The following RMND5B variants were observed in gnomAD, a reference collection of about 807,000 sequenced individuals.
The protein encoded by RMND5B is E3 ubiquitin-protein transferase RMND5B.
A neutral mutation model predicts 50.4 loss-of-function variants in RMND5B; 42 were observed. That is an observed-to-expected ratio of 0.83 (90% CI 0.65 to 1.08). RMND5B has a LOEUF of 1.08. RMND5B is among the 50% of genes least tolerant of loss of function. The pLI is 0.00. For missense variants in RMND5B, 463 were observed against 508.5 expected (o/e 0.91, Z 0.86); for synonymous variants, 220 against 210.0 (o/e 1.05, Z -0.41).
At chr5:178,143,057 G>C in intron 5 of RMND5B, 65 bp downstream of exon 5, 1 of 1,536,896 alleles carries the variant, frequency 6.5e-7, no homozygotes, top group Non-Finnish European at 8.8e-7. Flanking sequence ...AGTTTTCACT[G>C]TATGAAGTCC....
chr5:178,137,082 G>A lies in RMND5B; in HGVS notation c.-12-1026G>A, dbSNP rs1758655447. Reference sequence around the variant, plus strand: ...AGACGCTGACGTCTGAGCTAACTCAGAAGTGATGGGCCAGCCTCTCAAGTA... The same window carrying A: ...AGACGCTGACGTCTGAGCTAACTCAAAAGTGATGGGCCAGCCTCTCAAGTA... On this transcript the variant is annotated intron_variant, in intron 2 of 10. Coordinates refer to ENST00000313386, the MANE Select transcript of RMND5B (RefSeq NM_022762.5). The surrounding 1 kb of genome is among the most constrained non-coding windows in gnomAD (Gnocchi z 4.4). 6.6e-6 allele frequency among the ~76,000 whole-genome samples: 1 copy of A among 152,184 alleles called. No homozygotes were observed. The highest frequency in any genetic ancestry group is 1.5e-5 in the Non-Finnish European group (1 of 68,030).
chr5:178,148,091 T>G lies in RMND5B; in HGVS notation c.*59T>G. 1 of 1,555,058 alleles carries G rather than the reference T, an allele frequency of 6.4e-7. No homozygotes were observed. On this transcript the variant is annotated 3_prime_UTR_variant, in exon 11 of 11. Transcript: ENST00000313386. ...TTTCACCTGTGAGCCTTGGTCTGTC[T>G]CGGTAGGGTGGTCAACTTCAGTGGA...
intron 2 of RMND5B, among the ~76,000 whole-genome samples, chr5:178,131,752 AG>A (rs1329397500): frequency 1.3e-5 from 2 of 152,140 alleles, no homozygotes; most frequent in Non-Finnish European, 2.9e-5. Context: ...TGGTCCAGGC[AG>A]CGGGAACAGC....
At position 178,150,458 on chromosome 5, in the gene RMND5B, G is replaced by A. The variant is rs1342911199; in HGVS notation, c.*2426G>A. Reference sequence around the variant, plus strand: ...TGGTGGTGTATGATCATGGCTCACTGCAGCCTTGAACTCCTGGGTTCAAGT... The same window carrying A: ...TGGTGGTGTATGATCATGGCTCACTACAGCCTTGAACTCCTGGGTTCAAGT... On this transcript the variant is annotated 3_prime_UTR_variant, in exon 11 of 11. Coordinates refer to ENST00000313386, the MANE Select transcript of RMND5B (RefSeq NM_022762.5). 3 of 352,864 alleles carry A rather than the reference G, an allele frequency of 8.5e-6. No individual in the cohort carries two copies. The highest frequency in any genetic ancestry group is 1.1e-5 in the Non-Finnish European group (2 of 179,410). The allele number at this position is 352,864 out of a possible 1,614,324, so 21.9% of individuals were successfully genotyped here.
intron 8 of RMND5B, 55 bp downstream of exon 8, chr5:178,146,334 C>T (rs1386657911): frequency 6.5e-7 from 1 of 1,550,270 alleles, no homozygotes; most frequent in African/African-American, 1.4e-5. Context: ...AGGTAATCAT[C>T]ATTTGCCAAG....
At chr5:178,145,975 C>A in intron 7 of RMND5B, 139 bp from the exon 8 acceptor site, 1 of 805,426 alleles carries the variant, frequency 1.2e-6, no homozygotes, top group Non-Finnish European at 1.9e-6. Context: ...AGGGCATTTT[C>A]ATCCCTGCTC....
intron 7 of RMND5B, among the ~76,000 whole-genome samples, chr5:178,144,734 G>A (rs1420146908): frequency 3.3e-3 from 334 of 102,076 alleles, no homozygotes; most frequent in Middle Eastern, 5.0e-3. Context: ...AAAAAAAAAA[G>A]ACTTGTCTGG....
intron 2 of RMND5B, chr5:178,133,523 C>T (rs1758447801): frequency 6.6e-6 from 1 of 152,132 alleles, no homozygotes; most frequent in Non-Finnish European, 1.5e-5. Context: ...TGTCCTGCCT[C>T]AGCCTCCTGA....
intron 10 of RMND5B, 25 bp downstream of exon 10, chr5:178,147,908 C>T: frequency 3.7e-6 from 6 of 1,614,158 alleles, no homozygotes; most frequent in Non-Finnish European, 5.1e-6. Flanking sequence ...CTCTACTCCA[C>T]CTTGGCTTGG....
intron 3 of RMND5B, among the ~76,000 whole-genome samples, chr5:178,139,923 A>G (rs1220849777): frequency 6.6e-6 from 1 of 152,128 alleles, no homozygotes; most frequent in African/African-American, 2.4e-5. Context: ...CACACACTGC[A>G]TTTAGTTTCT....
chr5:178,134,819 GAAAAA>G (rs35167628), intron 2 of RMND5B, among the ~76,000 whole-genome samples: 1 of 141,842 alleles, frequency 7.1e-6, no homozygotes. Context: ...ATACAAAAAT[GAAAAA>G]AAAAAAAAGC....
chr5:178,134,387 T>C (rs1175968645), intron 2 of RMND5B, among the ~76,000 whole-genome samples: 2 of 152,162 alleles, frequency 1.3e-5, no homozygotes, highest in Non-Finnish European at 2.9e-5. Flanking sequence ...CATGGTAGTG[T>C]TGGGCAAAAG....
In RMND5B at chr5:178,142,597, CCT is replaced by C. The variant is rs1172645311; in HGVS notation, c.160_161del (p.Ala55HisfsTer25). 1.9e-6 allele frequency: 3 copies of C among 1,612,804 alleles called. No homozygotes were observed. Among genetic ancestry groups the C allele is most frequent in the South Asian group, 1.1e-5 (1 of 90,928 alleles). On this transcript the variant is annotated frameshift_variant, in exon 4 of 11. Coordinates refer to ENST00000313386, the MANE Select transcript of RMND5B (RefSeq NM_022762.5). LOFTEE classifies it high-confidence loss of function. Reference protein sequence around the residue: ...ELASAALQGTPLSATLSLVMS... With the variant: ...ELASAALQGTXLSATLSLVMS... ...TTTCTCTGCAGCCCTCCAGGGGACCCCTCTCTCAGCCACCCTCTCTCTGGTGA... is the reference window on the plus strand; with the variant it reads ...TTTCTCTGCAGCCCTCCAGGGGACCCCTCTCAGCCACCCTCTCTCTGGTGA...
Position 178,131,027 on chromosome 5 carries a change from GA to G in RMND5B, c.-178del, listed in dbSNP as rs1167181991. 6.6e-6 allele frequency: 1 copy of G among 151,036 alleles called. No homozygotes were observed. Among genetic ancestry groups the G allele is most frequent in the Non-Finnish European group, 1.5e-5 (1 of 67,692 alleles). 9.4% of individuals were successfully genotyped at this position (151,036 alleles called of 1,614,324 possible). On this transcript the variant is annotated 5_prime_UTR_variant, in exon 1 of 11. Coordinates refer to ENST00000313386, the MANE Select transcript of RMND5B (RefSeq NM_022762.5). ...TCCGGTTCCGATGACAGTGGCGCCG[GA>G]AGCCGGGGCCGGGGCTGCGGGGCGA... is the stretch of plus-strand genomic sequence containing the variant.
chr5:178,147,454 T>C (rs1756077023), intron 8 of RMND5B, 79 bp from the exon 9 acceptor site: 10 of 1,111,788 alleles, frequency 9.0e-6, no homozygotes, highest in Non-Finnish European at 1.3e-5. Flanking sequence ...TCAAGGTCCA[T>C]GCTGAAGCAT....
In RMND5B at chr5:178,138,805, T is replaced by C. The variant is rs983646593; in HGVS notation, c.139+547T>C. ...CATATTTGCCGTGATCATTACTTTT[T>C]AACCATTTGAAAATAAGTTGTAGAT... is the stretch of plus-strand genomic sequence containing the variant. On this transcript the variant is annotated intron_variant, in intron 3 of 10. Transcript: ENST00000313386. The surrounding 1 kb of genome is among the most constrained non-coding windows in gnomAD (Gnocchi z 5.1). 3.3e-5 allele frequency among the ~76,000 whole-genome samples: 5 copies of C among 152,258 alleles called. No homozygotes were observed. The highest frequency in any genetic ancestry group is 1.2e-4 in the African/African-American group (5 of 41,480).
chr5:178,144,720 G>GAAAAAAAAAAAAAAAAAAAAAAAAAA (rs111233356), intron 7 of RMND5B, among the ~76,000 whole-genome samples: 1 of 111,742 alleles, frequency 8.9e-6, no homozygotes, highest in Non-Finnish European at 1.9e-5. Flanking sequence ...CTCCGTCTCA[G>GAAAAAAAAAAAAAAAAAAAAAAAAAA]AAAAAAAAAA....
chr5:178,135,263 C>G, intron 2 of RMND5B: 1 of 238,862 alleles, frequency 4.2e-6, no homozygotes, highest in Non-Finnish European at 9.1e-6. Flanking sequence ...CTCCGTCCCA[C>G]CTCAGCCTTC....
At chr5:178,140,032 T>C (rs1758835412) in intron 3 of RMND5B, among the ~76,000 whole-genome samples, 1 of 152,232 alleles carries the variant, frequency 6.6e-6, no homozygotes, top group Admixed American at 6.5e-5. Flanking sequence ...CCAATTATTT[T>C]GCAGAACGTC....
Sources: allele counts gnomAD v4.1 joint callset (sites outside exome capture counted in the v4.1 genomes callset), GRCh38; gene constraint gnomAD v4.1.1; non-coding constraint Gnocchi (gnomAD v3.1); transcripts MANE v1.5; gene names NCBI Gene and HGNC (gene_info 2026-07-23, HGNC 2026-07-21).